Variants in SOSTDC1 observed in about 807,000 individuals in gnomAD.
The protein encoded by SOSTDC1 is sclerostin domain-containing protein 1.
A neutral mutation model predicts 15.1 loss-of-function variants in SOSTDC1; 7 were observed. That is an observed-to-expected ratio of 0.46 (90% CI 0.26 to 0.87). The LOEUF (loss-of-function observed/expected upper bound fraction) is 0.87. Among genes scored for constraint, SOSTDC1 ranks in the 40% least tolerant of loss-of-function variants. SOSTDC1 has a pLI of 0.15. For missense variants in SOSTDC1, 242 were observed against 259.2 expected (o/e 0.93, Z 0.46); for synonymous variants, 94 against 93.2 (o/e 1.01, Z -0.05).
rs34300902 is a variant in SOSTDC1, at chr7:16,462,821, T to C, written c.348A>G (p.Gly116=). ...PLPVLPNWIG[G]GYGTKYWSRR... is the part of the protein sequence containing the mutation. ...TGCTCCAGTACTTTGTTCCATAGCC[T>C]CCTCCAATCCAGTTAGGGAGCACTG... The change falls in exon 2 of 2, where the codon GGA becomes GGG. Residue 116 remains glycine (G), a synonymous_variant. Transcript: ENST00000307068. 1,811 of 1,614,100 alleles carry C rather than the reference T, an allele frequency of 1.1e-3. 11 individuals are homozygous for C. In the African/African-American group the frequency reaches 0.014, roughly 12 times the overall value.
chr7:16,464,907 T>G (rs1781278668), intron 1 of SOSTDC1, among the ~76,000 whole-genome samples: 1 of 152,196 alleles, frequency 6.6e-6, no homozygotes, highest in South Asian at 2.1e-4. Flanking sequence ...TCCAACATTT[T>G]TAGTTTATCC....
rs758100602 is a variant in SOSTDC1, at chr7:16,462,603, T to C, written c.566A>G (p.Gln189Arg). ...FESMSPAKPV[Q>R]HHRERKRASK... ...GGCTCTTTTCCGCTCTCTGTGATGC[T>C]GGACTGGCTTGGCAGGTGACATGCT... The change falls in exon 2 of 2, where the codon CAG (glutamine) becomes CGG (arginine). Residue 189 changes from glutamine to arginine, a missense_variant. By Grantham distance (43) the Gln-to-Arg change is conservative. Coordinates refer to ENST00000307068, the MANE Select transcript of SOSTDC1 (RefSeq NM_015464.3). 28 of 1,614,086 alleles carry C rather than the reference T, an allele frequency of 1.7e-5. No homozygotes were observed. Among genetic ancestry groups the C allele is most frequent in the Non-Finnish European group, 2.4e-5 (28 of 1,180,034 alleles).
At chr7:16,464,935 T>C (rs1323779431) in intron 1 of SOSTDC1, among the ~76,000 whole-genome samples, 1 of 152,228 alleles carries the variant, frequency 6.6e-6, no homozygotes, top group Non-Finnish European at 1.5e-5. Flanking sequence ...ACATTGAGCA[T>C]CATCAAAACT....
At chr7:16,463,008 T>G in intron 1 of SOSTDC1, 45 bp from the exon 2 acceptor site, 1 of 1,502,852 alleles carries the variant, frequency 6.7e-7, no homozygotes, top group Non-Finnish European at 8.9e-7. Flanking sequence ...AAAATGCAAA[T>G]GAAGACCTTT....
Position 16,462,818 on chromosome 7 carries a change from G to C in SOSTDC1, c.351C>G (p.Gly117=). The change falls in exon 2 of 2, where the codon GGC becomes GGG. Residue 117 remains glycine (G), a synonymous_variant. Transcript: ENST00000307068. ...TCCTGCTCCAGTACTTTGTTCCATA[G>C]CCTCCTCCAATCCAGTTAGGGAGCA... ...LPVLPNWIGG[G]YGTKYWSRRS... 4 of 1,614,140 alleles carry C rather than the reference G, an allele frequency of 2.5e-6. No individual in the cohort carries two copies. Among genetic ancestry groups the C allele is most frequent in the Non-Finnish European group, 2.5e-6 (3 of 1,180,030 alleles).
Position 16,461,787 on chromosome 7 carries a change from A to T in SOSTDC1, c.*761T>A, listed in dbSNP as rs1033111300. On this transcript the variant is annotated 3_prime_UTR_variant, in exon 2 of 2. Transcript: ENST00000307068. Reference sequence around the variant, plus strand: ...TCATATTTCTAATCAACCACAAATCATATAGGAAAATATTTAGGTCCATGA... The same window carrying T: ...TCATATTTCTAATCAACCACAAATCTTATAGGAAAATATTTAGGTCCATGA... 1 of 152,670 alleles carries T rather than the reference A, an allele frequency of 6.6e-6. No individual in the cohort carries two copies. The highest frequency in any genetic ancestry group is 1.5e-5 in the Non-Finnish European group (1 of 68,038). The allele number at this position is 152,670 out of a possible 1,614,324, so 9.5% of individuals were successfully genotyped here.
At position 16,462,444 on chromosome 7, in the gene SOSTDC1, A is replaced by G; in HGVS notation, c.*104T>C. The G allele has an allele frequency of 1.1e-5, 14 of 1,238,366 alleles. No homozygotes were observed. The highest frequency in any genetic ancestry group is 1.6e-5 in the Non-Finnish European group (14 of 865,786). 76.7% of individuals were successfully genotyped at this position (1,238,366 alleles called of 1,614,324 possible). On this transcript the variant is annotated 3_prime_UTR_variant, in exon 2 of 2. Transcript: ENST00000307068. The stretch of plus-strand genomic sequence containing the variant: ...TGGGTTTGATCAAAGCAGAAAGCAT[A>G]TACTTTCAAGTGAGAAAACAGCAGT...
At position 16,465,649 on chromosome 7, in the gene SOSTDC1, T is replaced by C. The variant is rs757515286; in HGVS notation, c.20A>G (p.His7Arg). The part of the protein sequence containing the change: MLPPAI[H>R]FYLLPLACIL... The stretch of plus-strand genomic sequence containing the variant: ...GCATGCAAGGGGAAGGAGATAGAAA[T>C]GAATGGCAGGAGGAAGCATGGTGAG... Residue 7 changes from histidine to arginine, a missense_variant, in exon 1 of 2, where the codon CAT becomes CGT. Physicochemically the swap from His to Arg is conservative, Grantham distance 29. Coordinates refer to ENST00000307068, the MANE Select transcript of SOSTDC1 (RefSeq NM_015464.3). The C allele has an allele frequency of 1.2e-6, 2 of 1,613,950 alleles. No individual in the cohort carries two copies. Among genetic ancestry groups the C allele is most frequent in the South Asian group, 2.2e-5 (2 of 91,090 alleles).
In SOSTDC1 at chr7:16,462,566, G is replaced by T. The variant is rs761024864; in HGVS notation, c.603C>A (p.Ser201Arg). The change falls in exon 2 of 2, where the codon AGC (serine) becomes AGA (arginine). Residue 201 changes from serine (S) to arginine (R), a missense_variant. By Grantham distance (110) the Ser-to-Arg change is moderately radical. Coordinates refer to ENST00000307068, the MANE Select transcript of SOSTDC1 (RefSeq NM_015464.3). ...CTGAGTTCTAACTCATGCTGTGCTT[G>T]CTGGATTTGCTGGCTCTTTTCCGCT... ...HRERKRASKSSKHSMS is the reference protein window; with the variant it reads ...HRERKRASKSRKHSMS The T allele has an allele frequency of 6.2e-7, 1 of 1,614,088 alleles. No individual in the cohort carries two copies. Among genetic ancestry groups the T allele is most frequent in the South Asian group, 1.1e-5 (1 of 91,082 alleles).
chr7:16,465,410 A>G, intron 1 of SOSTDC1, 54 bp downstream of exon 1: 1 of 1,427,026 alleles, frequency 7.0e-7, no homozygotes, highest in Non-Finnish European at 9.8e-7. Context: ...CAGGAATGTG[A>G]GCTAATGCTA....
At chr7:16,464,447 C>G in intron 1 of SOSTDC1, 1 of 1,120,612 alleles carries the variant, frequency 8.9e-7, no homozygotes, top group Non-Finnish European at 1.3e-6. Context: ...GAATACCCAC[C>G]ACATTGCTCA....
rs1781237086 is a variant in SOSTDC1, at chr7:16,462,974, CAAA to C, written c.206-14_206-12del. On this transcript the variant is annotated splice_polypyrimidine_tract_variant and intron_variant, in intron 1 of 1. Coordinates refer to ENST00000307068, the MANE Select transcript of SOSTDC1 (RefSeq NM_015464.3). The stretch of plus-strand genomic sequence containing the variant: ...CCACTTGAACCCGAGCTGCAGGAAA[CAAA>C]AAAGAATGTGCATCAGAGAAAAAAT... 4.0e-6 allele frequency: 6 copies of C among 1,511,166 alleles called. No individual in the cohort carries two copies. Among genetic ancestry groups the C allele is most frequent in the Non-Finnish European group, 1.8e-6 (2 of 1,127,024 alleles). 93.6% of individuals were successfully genotyped at this position (1,511,166 alleles called of 1,614,324 possible). A position where few individuals can be genotyped will look rare whatever the true frequency, so the allele number is the denominator to read the frequency against.
In SOSTDC1 at chr7:16,462,974, C is replaced by A. The variant is rs1281722217; in HGVS notation, c.206-11G>T. 4.6e-6 allele frequency: 7 copies of A among 1,511,144 alleles called. No individual in the cohort carries two copies. The Admixed American group carries it at 6.6e-5, about 14-fold the overall frequency. 93.6% of individuals were successfully genotyped at this position (1,511,144 alleles called of 1,614,324 possible). On this transcript the variant is annotated splice_polypyrimidine_tract_variant and intron_variant, in intron 1 of 1. Transcript: ENST00000307068. ...CCACTTGAACCCGAGCTGCAGGAAA[C>A]AAAAAAGAATGTGCATCAGAGAAAA...
intron 1 of SOSTDC1, 148 bp downstream of exon 1, chr7:16,465,316 C>G (rs2293672): frequency 0.56 from 381,850 of 677,998 alleles, 109,968 homozygotes; most frequent in Non-Finnish European, 0.62. Flanking sequence ...GGGAAGAATG[C>G]CAACCTGCAC....
intron 1 of SOSTDC1, among the ~76,000 whole-genome samples, chr7:16,463,177 T>C (rs933492377): frequency 1.3e-5 from 2 of 152,120 alleles, no homozygotes. Context: ...ATAACTTTTT[T>C]GGGAAAAAAA....
In SOSTDC1 at chr7:16,462,277, C is replaced by G; in HGVS notation, c.*271G>C. On this transcript the variant is annotated 3_prime_UTR_variant, in exon 2 of 2. Transcript: ENST00000307068. The stretch of plus-strand genomic sequence containing the variant: ...CACTGATGTTTATAGTATCAACAGT[C>G]TTTTAAGAACAATGAGGAATTAAAA... The G allele has an allele frequency of 2.5e-6, 1 of 395,586 alleles. No homozygotes were observed. Among genetic ancestry groups the G allele is most frequent in the Non-Finnish European group, 4.6e-6 (1 of 218,510 alleles). The allele number at this position is 395,586 out of a possible 1,614,324, so 24.5% of individuals were successfully genotyped here. A position where few individuals can be genotyped will look rare whatever the true frequency, so the allele number is the denominator to read the frequency against.
rs1781233050 is a variant in SOSTDC1 at position 16,462,769 on chromosome 7, C to T, written c.400G>A (p.Val134Ile). The change falls in exon 2 of 2, where the codon GTC (valine) becomes ATC (isoleucine). Residue 134 changes from valine to isoleucine, a missense_variant. Coordinates refer to ENST00000307068, the MANE Select transcript of SOSTDC1 (RefSeq NM_015464.3). Reference sequence around the variant, plus strand: ...CTCTGGGTACGGGTTTTGTCATTGACACACCGCCACTCCTGGGAGCTCCTC... The same window carrying T: ...CTCTGGGTACGGGTTTTGTCATTGATACACCGCCACTCCTGGGAGCTCCTC... ...SRRSSQEWRC[V>I]NDKTRTQRIQ... 1 of 1,614,050 alleles carries T rather than the reference C, an allele frequency of 6.2e-7. No individual in the cohort carries two copies. The highest frequency in any genetic ancestry group is 1.3e-5 in the African/African-American group (1 of 74,912).
intron 1 of SOSTDC1, among the ~76,000 whole-genome samples, chr7:16,464,978 C>A (rs1433830033): frequency 6.6e-6 from 1 of 152,112 alleles, no homozygotes; most frequent in Admixed American, 6.6e-5. Context: ...TTTTAGAAAT[C>A]CAATGTAAAC....
At position 16,461,770 on chromosome 7, in the gene SOSTDC1, C is replaced by T. The variant is rs1292888139; in HGVS notation, c.*778G>A. ...TATCTACAACATGTATTTCATATTT[C>T]TAATCAACCACAAATCATATAGGAA... On this transcript the variant is annotated 3_prime_UTR_variant, in exon 2 of 2. Coordinates refer to ENST00000307068, the MANE Select transcript of SOSTDC1 (RefSeq NM_015464.3). The T allele has an allele frequency of 1.3e-5, 2 of 152,542 alleles. No homozygotes were observed. Among genetic ancestry groups the T allele is most frequent in the African/African-American group, 4.8e-5 (2 of 41,400 alleles). The allele number at this position is 152,542 out of a possible 1,614,324, so 9.4% of individuals were successfully genotyped here.
Sources: gnomAD v4.1 joint callset for allele counts (sites outside exome capture counted in the v4.1 genomes callset) on GRCh38, gnomAD v4.1.1 for gene constraint, MANE v1.5 for transcripts, NCBI Gene and HGNC (gene_info 2026-07-23, HGNC 2026-07-21) for gene names.